NLRC5: variants seen among roughly 807,000 people sequenced by gnomAD.
The protein encoded by NLRC5 is NLR family CARD domain containing 5, also known as protein NLRC5.
A neutral mutation model predicts 206.9 loss-of-function variants in NLRC5; 114 were observed. That is an observed-to-expected ratio of 0.55 (90% CI 0.47 to 0.64). NLRC5 has a LOEUF of 0.64. Among genes scored for constraint, NLRC5 ranks in the 30% least tolerant of loss-of-function variants. The pLI is 0.00. For missense variants in NLRC5, 2,008 were observed against 2,305.5 expected, an observed-to-expected ratio of 0.87 and a Z score of 2.64; for synonymous variants, 952 against 962.8, an observed-to-expected ratio of 0.99 and a Z score of 0.21.
At chr16:57,046,793 G>T in intron 22 of NLRC5, 152 bp downstream of exon 22, 2 of 664,204 alleles carry the variant, frequency 3.0e-6, no homozygotes. Flanking sequence ...GTGGGTGTGA[G>T]GGGTGCTGGG....
intron 13 of NLRC5, chr16:57,034,588 C>T (rs1431313921): frequency 4.6e-6 from 1 of 216,004 alleles, no homozygotes; most frequent in Non-Finnish European, 9.2e-6. Context: ...AGGGTTCAAG[C>T]CCAGACAGTC....
rs374409856 is a variant in NLRC5 at position 57,054,774 on chromosome 16, C to T, written c.3530C>T (p.Pro1177Leu). 12 of 1,614,086 alleles carry T rather than the reference C, an allele frequency of 7.4e-6. No homozygotes were observed. The highest frequency in any genetic ancestry group is 3.3e-5 in the Admixed American group (2 of 60,006). Residue 1177 changes from proline to leucine, a missense_variant, in exon 25 of 49, where the codon CCG (proline) becomes CTG (leucine). Coordinates refer to ENST00000688547, the MANE Select transcript of NLRC5 (RefSeq NM_001384950.1). ...AGGCTGAGCCAGACGGGACTGTCCC[C>T]GAAAAGCCCCTTCCTGCTGGCCAAC... ...LLQLSQTGLS[P>L]KSPFLLANTL...
chr16:57,005,007 G>T (rs751722628), intron 1 of NLRC5, among the ~76,000 whole-genome samples: 1 of 152,068 alleles, frequency 6.6e-6, no homozygotes, highest in African/African-American at 2.4e-5. Context: ...CTGACTGCGT[G>T]ACCCTGGCCA....
chr16:57,063,627 T>C (rs1839177370), intron 32 of NLRC5, among the ~76,000 whole-genome samples: 1 of 152,218 alleles, frequency 6.6e-6, no homozygotes, highest in African/African-American at 2.4e-5. Flanking sequence ...TGAGCTCAAG[T>C]GATCCTCCCA....
At chr16:57,037,980 A>G (rs2062814638) in intron 15 of NLRC5, among the ~76,000 whole-genome samples, 1 of 152,240 alleles carries the variant, frequency 6.6e-6, no homozygotes, top group South Asian at 2.1e-4. Context: ...TGATGATTCA[A>G]TAAAGGGTCC....
At chr16:57,063,817 C>A (rs1380277649) in intron 32 of NLRC5, among the ~76,000 whole-genome samples, 2 of 152,116 alleles carry the variant, frequency 1.3e-5, no homozygotes, top group Non-Finnish European at 2.9e-5. Flanking sequence ...CGGCTCACTG[C>A]AAGCTCCGCC....
At position 57,026,078 on chromosome 16, in the gene NLRC5, T is replaced by G; in HGVS notation, c.1135T>G (p.Phe379Val). The G allele has an allele frequency of 6.2e-7, 1 of 1,614,126 alleles. No individual in the cohort carries two copies. The highest frequency in any genetic ancestry group is 2.2e-5 in the East Asian group (1 of 44,868). ...GPRVEEYVNH[F>V]FSAQPSREGA... ...ACGGGTGGAAGAATATGTGAATCAC[T>G]TCTTCAGCGCCCAGCCATCGCGGGA... Residue 379 changes from phenylalanine to valine, a missense_variant, in exon 6 of 49, where the codon TTC becomes GTC. Coordinates refer to ENST00000688547, the MANE Select transcript of NLRC5 (RefSeq NM_001384950.1).
In NLRC5 at chr16:57,054,815, C is replaced by T. The variant is rs1198507797; in HGVS notation, c.3571C>T (p.Pro1191Ser). Residue 1191 changes from proline (P) to serine (S), a missense_variant, in exon 25 of 49, where the codon CCA becomes TCA. Coordinates refer to ENST00000688547, the MANE Select transcript of NLRC5 (RefSeq NM_001384950.1). ...FLLANTLSLC[P>S]RVKKVDLRSL... ...GCTGGCCAACACCTTAAGCCTGTGT[C>T]CACGGGTTAAAAAGGTGGATCTCAG... 6.2e-7 allele frequency: 1 copy of T among 1,614,104 alleles called. No homozygotes were observed. The highest frequency in any genetic ancestry group is 1.3e-5 in the African/African-American group (1 of 74,936).
intron 14 of NLRC5, 63 bp downstream of exon 14, chr16:57,036,246 G>C: frequency 6.7e-7 from 1 of 1,496,184 alleles, no homozygotes; most frequent in Non-Finnish European, 9.2e-7. Flanking sequence ...GGAGGTCCCC[G>C]TGTTCGTAAT....
chr16:57,047,743 C>A, intron 23 of NLRC5, 115 bp downstream of exon 23: 2 of 894,356 alleles, frequency 2.2e-6, no homozygotes, highest in Non-Finnish European at 3.6e-6. Context: ...TTCCCACCAG[C>A]CCTGCCCCAT....
chr16:57,078,154 C>G, intron 43 of NLRC5, 134 bp downstream of exon 43: 1 of 641,720 alleles, frequency 1.6e-6, no homozygotes, highest in South Asian at 2.5e-5. Context: ...ACTCTCCTGC[C>G]TGTTCCTTCC....
At chr16:57,066,670 G>A in intron 34 of NLRC5, 56 bp downstream of exon 34, 1 of 1,471,956 alleles carries the variant, frequency 6.8e-7, no homozygotes, top group Non-Finnish European at 9.5e-7. Flanking sequence ...GAGGGGGCAG[G>A]GCTGCTTCTG....
chr16:57,080,302 C>T lies in NLRC5; in HGVS notation c.5321+673C>T, dbSNP rs544734724. On this transcript the variant is annotated intron_variant, in intron 46 of 48. Coordinates refer to ENST00000688547, the MANE Select transcript of NLRC5 (RefSeq NM_001384950.1). ...GTGGTAATTCATCTTTAACACCTAACACTGGATTCTCCCTTTTTAACCAAA... is the reference window on the plus strand; with the variant it reads ...GTGGTAATTCATCTTTAACACCTAATACTGGATTCTCCCTTTTTAACCAAA... Among the ~76,000 whole-genome samples the T allele has an allele frequency of 4.6e-5, 7 of 152,290 alleles. No homozygotes were observed. In the East Asian group the frequency reaches 1.2e-3, roughly 25 times the overall value.
intron 4 of NLRC5, 21 bp downstream of exon 4, chr16:57,022,336 G>T (rs2060765737): frequency 6.2e-7 from 1 of 1,601,874 alleles, no homozygotes; most frequent in Non-Finnish European, 8.5e-7. Context: ...GAGTTGGGGG[G>T]TGGGAAGGGG....
chr16:57,024,693 C>A (rs1271480003), intron 5 of NLRC5, among the ~76,000 whole-genome samples: 1 of 152,140 alleles, frequency 6.6e-6, no homozygotes, highest in East Asian at 1.9e-4. Flanking sequence ...CCAGATATTA[C>A]AGAAAGAGGT....
rs137919442 is a variant in NLRC5, at chr16:57,037,255, G to A, written c.2772G>A (p.Ala924=). Reference sequence around the variant, plus strand: ...ATTGTGTGCTGAGGGCCGTGAGTGCGTGCTGGACCCTGGCAGAGCTGCACA... The same window carrying A: ...ATTGTGTGCTGAGGGCCGTGAGTGCATGCTGGACCCTGGCAGAGCTGCACA... ...GVHCVLRAVS[A]CWTLAELHIS... Residue 924 remains alanine, a synonymous_variant, in exon 15 of 49, where the codon GCG becomes GCA. Coordinates refer to ENST00000688547, the MANE Select transcript of NLRC5 (RefSeq NM_001384950.1). The A allele has an allele frequency of 2.8e-4, 447 of 1,613,604 alleles. 1 individual carries two copies. In the African/African-American group the frequency reaches 5.0e-3, roughly 18 times the overall value.
intron 13 of NLRC5, among the ~76,000 whole-genome samples, chr16:57,035,503 C>G (rs1280438585): frequency 6.6e-6 from 1 of 152,194 alleles, no homozygotes; most frequent in Non-Finnish European, 1.5e-5. Context: ...GACACACTGG[C>G]TCTCTTTCAG....
intron 1 of NLRC5, among the ~76,000 whole-genome samples, chr16:56,995,283 A>G (rs896390683): frequency 1.3e-5 from 2 of 152,164 alleles, no homozygotes; most frequent in Non-Finnish European, 2.9e-5. Flanking sequence ...ATAGCCTCCT[A>G]TAGGTCATGG....
intron 41 of NLRC5, 123 bp from the exon 42 acceptor site, chr16:57,077,596 G>C (rs2068559196): frequency 1.9e-6 from 2 of 1,031,494 alleles, no homozygotes; most frequent in African/African-American, 1.6e-5. Context: ...GTCTGGGTAG[G>C]TGTGTGGTGT....
Sources: gnomAD v4.1 joint callset for allele counts (sites outside exome capture counted in the v4.1 genomes callset) on GRCh38, gnomAD v4.1.1 for gene constraint, MANE v1.5 for transcripts, NCBI Gene and HGNC (gene_info 2026-07-23, HGNC 2026-07-21) for gene names.